EIF4G1: variants seen among roughly 807,000 people sequenced by gnomAD.
EIF4G1 encodes EIF4-gamma.
In EIF4G1, 4 loss-of-function variants were observed where a neutral mutation model predicts 187.8. The ratio of observed to expected loss-of-function variants is 0.02; its 90% CI spans 0.01 to 0.05. EIF4G1 has a LOEUF of 0.05. Among genes scored for constraint, EIF4G1 ranks in the 10% least tolerant of loss-of-function variants. The pLI, the probability that EIF4G1 is intolerant of heterozygous loss-of-function variation, is 1.00. For missense variants in EIF4G1, 1,647 were observed against 2,081.1 expected (o/e 0.79, Z 4.06); for synonymous variants, 844 against 781.4 (o/e 1.08, Z -1.34).
At position 184,327,240 on chromosome 3, in the gene EIF4G1, C is replaced by G. The variant is rs368604820; in HGVS notation, c.3453C>G (p.Gly1151=). Residue 1151 remains glycine (G), a synonymous_variant, in exon 24 of 33, where the codon GGC becomes GGG. Transcript: ENST00000346169. ...GGAGTAGCTTGAGCCGAGAACGAGG[C>G]GAGAAAGCTGGAGACCGAGGAGACC... is the stretch of plus-strand genomic sequence containing the variant. The part of the protein sequence containing the change: ...VQRSSLSRER[G]EKAGDRGDRL... 1.6e-5 allele frequency: 26 copies of G among 1,612,768 alleles called. No homozygotes were observed. The African/African-American group carries it at 3.3e-4, about 21-fold the overall frequency.
chr3:184,332,129 G>A, intron 32 of EIF4G1, 43 bp downstream of exon 32: 1 of 1,613,916 alleles, frequency 6.2e-7, no homozygotes, highest in Non-Finnish European at 8.5e-7. Context: ...TGGAGGGACT[G>A]CCAGATAGCA....
chr3:184,321,076 T>G, intron 9 of EIF4G1, 83 bp downstream of exon 9: 2 of 1,547,756 alleles, frequency 1.3e-6, no homozygotes, highest in Non-Finnish European at 8.8e-7. Flanking sequence ...TGACTTGAAC[T>G]GGGTACCAGA....
chr3:184,318,995 AC>A (rs1243845634), intron 6 of EIF4G1, among the ~76,000 whole-genome samples: 1 of 150,954 alleles, frequency 6.6e-6, no homozygotes, highest in East Asian at 2.0e-4. Flanking sequence ...GATCGCTTGA[AC>A]CCGGGATGTG....
chr3:184,328,972 C>T lies in EIF4G1; in HGVS notation c.4143C>T (p.Gly1381=). ...CTTCCCTGTTGCTGGAGATCCTGGG[C>T]CTCCTGTGCAAAAGCATGGTGAGTG... ...KAASLLLEIL[G]LLCKSMGPKK... Residue 1381 remains glycine (G), a synonymous_variant, in exon 28 of 33, where the codon GGC becomes GGT. Coordinates refer to ENST00000346169, the MANE Select transcript of EIF4G1 (RefSeq NM_198241.3). 6.2e-7 allele frequency: 1 copy of T among 1,614,148 alleles called. No homozygotes were observed.
rs1442345776 is a variant in EIF4G1 at position 184,323,182 on chromosome 3, A to G, written c.2029A>G (p.Thr677Ala). 4 of 1,614,046 alleles carry G rather than the reference A, an allele frequency of 2.5e-6. No homozygotes were observed. The South Asian group carries it at 4.4e-5, about 18-fold the overall frequency. ...ATCCTTTGCCAACCTTGGCCGGACA[A>G]CCCTTAGCACCCGTGGGCCCCCAAG... ...TPSFANLGRT[T>A]LSTRGPPRGG... The change falls in exon 14 of 33, where the codon ACC (threonine) becomes GCC (alanine). Residue 677 changes from threonine (T) to alanine (A), a missense_variant. Thr to Ala is a moderately conservative substitution (Grantham distance 58). Around this residue, in one of 11 missense-constraint regions of EIF4G1, gnomAD observed 140 missense variants for 222.2 expected, o/e 0.63. Coordinates refer to ENST00000346169, the MANE Select transcript of EIF4G1 (RefSeq NM_198241.3). This position sits in a 1 kb window ranked among gnomAD's most constrained non-coding sequence, Gnocchi z 6.9.
At chr3:184,328,242 C>G (rs1577240779) in intron 26 of EIF4G1, 1 of 534,580 alleles carries the variant, frequency 1.9e-6, no homozygotes, top group South Asian at 2.0e-5. Context: ...ACTAATAATA[C>G]AAAAATTAGC....
intron 6 of EIF4G1, 27 bp from the exon 7 acceptor site, chr3:184,319,662 A>G (rs758708871): frequency 3.5e-6 from 5 of 1,423,752 alleles, no homozygotes; most frequent in Non-Finnish European, 4.9e-6. Flanking sequence ...CGCTACCACC[A>G]TTCTTCTCCG....
At chr3:184,328,164 T>A (rs1239799855) in intron 26 of EIF4G1, 162 bp downstream of exon 26, 1 of 771,440 alleles carries the variant, frequency 1.3e-6, no homozygotes, top group Admixed American at 2.0e-5. Flanking sequence ...TGGGTTGGAT[T>A]CCTTAGAGGA....
intron 23 of EIF4G1, 36 bp downstream of exon 23, chr3:184,327,019 G>C (rs534639765): frequency 8.7e-6 from 14 of 1,612,724 alleles, no homozygotes; most frequent in Middle Eastern, 1.7e-4. Context: ...ATTCACACTG[G>C]GGGTACCGTG....
intron 7 of EIF4G1, 51 bp downstream of exon 7, chr3:184,319,852 T>C: frequency 7.7e-7 from 1 of 1,303,658 alleles, no homozygotes; most frequent in Non-Finnish European, 1.1e-6. Context: ...AGAATCAAGG[T>C]CAGGTGCTGC....
At position 184,325,536 on chromosome 3, in the gene EIF4G1, T is replaced by C; in HGVS notation, c.3018T>C (p.His1006=). ...DQGPKTIDQI[H]KEAEMEEHRE... is the part of the protein sequence containing the mutation. The stretch of plus-strand genomic sequence containing the variant: ...GTCCCAAGACCATTGACCAGATCCA[T>C]AAGGAGGCTGAGATGGAAGAACATC... Residue 1006 remains histidine, a synonymous_variant, in exon 20 of 33, where the codon CAT becomes CAC. Transcript: ENST00000346169. This position sits in a 1 kb window ranked among gnomAD's most constrained non-coding sequence, Gnocchi z 5.2. 6.2e-7 allele frequency: 1 copy of C among 1,614,076 alleles called. No individual in the cohort carries two copies. Among genetic ancestry groups the C allele is most frequent in the South Asian group, 1.1e-5 (1 of 91,084 alleles).
In EIF4G1 at chr3:184,325,636, A is replaced by G. The variant is rs1690386377; in HGVS notation, c.3118A>G (p.Ile1040Val). 6.2e-7 allele frequency: 1 copy of G among 1,614,172 alleles called. No individual in the cohort carries two copies. The highest frequency in any genetic ancestry group is 8.5e-7 in the Non-Finnish European group (1 of 1,180,022). ...TCGGGGCGGTCCTCCAGGCCCTCCC[A>G]TCAGTGAGTTCCAAGCTGGGATTGA... ...KRRGGPPGPP[I>V]SRGLPLVDDG... The change falls in exon 20 of 33, where the codon ATC (isoleucine) becomes GTC (valine). Residue 1040 changes from isoleucine to valine, a missense_variant. Physicochemically the swap from Ile to Val is conservative, Grantham distance 29 (BLOSUM62 3). Coordinates refer to ENST00000346169, the MANE Select transcript of EIF4G1 (RefSeq NM_198241.3). The surrounding 1 kb of genome is among the most constrained non-coding windows in gnomAD (Gnocchi z 5.2).
intron 24 of EIF4G1, 58 bp from the exon 25 acceptor site, chr3:184,327,528 A>G (rs2108505631): frequency 6.2e-7 from 1 of 1,612,936 alleles, no homozygotes; most frequent in Non-Finnish European, 8.5e-7. Context: ...TGAGAGCTCC[A>G]AATCTTGTTT....
intron 7 of EIF4G1, 27 bp from the exon 8 acceptor site, chr3:184,320,602 CA>C: frequency 6.2e-7 from 1 of 1,614,040 alleles, no homozygotes; most frequent in Non-Finnish European, 8.5e-7. Context: ...TCCTGCTTCC[CA>C]CTCATCTTAT....
Position 184,328,032 on chromosome 3 carries a change from T to TA in EIF4G1, c.3953+31dup, listed in dbSNP as rs772185549. ...GACCAGCTTCTCTGGGCCTCCCACT[T>TA]ATACAGACCCACAATTTTCTATCTC... On this transcript the variant is annotated intron_variant, in intron 26 of 32. Transcript: ENST00000346169. 30 of 1,598,560 alleles carry TA rather than the reference T, an allele frequency of 1.9e-5. No homozygotes were observed. In the African/African-American group the frequency reaches 3.1e-4, roughly 16 times the overall value.
At chr3:184,316,590 C>G in intron 4 of EIF4G1, 1 of 963,358 alleles carries the variant, frequency 1.0e-6, no homozygotes, top group Non-Finnish European at 1.6e-6. Flanking sequence ...TTGCCTTTCT[C>G]TGTTCCCCAG....
intron 32 of EIF4G1, among the ~76,000 whole-genome samples, 192 bp downstream of exon 32, chr3:184,332,278 G>C (rs1387351428): frequency 6.6e-6 from 1 of 152,272 alleles, no homozygotes; most frequent in Non-Finnish European, 1.5e-5. Flanking sequence ...GTTAGACACA[G>C]CCTTGAAGGG....
chr3:184,317,795 C>T lies in EIF4G1; in HGVS notation c.403C>T (p.Pro135Ser), dbSNP rs1433608051. 6.2e-7 allele frequency: 1 copy of T among 1,614,028 alleles called. No homozygotes were observed. The highest frequency in any genetic ancestry group is 2.2e-5 in the East Asian group (1 of 44,876). ...CCCAGGCTTCTATCCAGGTGCAAGC[C>T]CTACAGAATTTGGGACCTACGGTAA... ...GAPGFYPGAS[P>S]TEFGTYAGAY... Residue 135 changes from proline (P) to serine (S), a missense_variant, in exon 6 of 33, where the codon CCT (proline) becomes TCT (serine). Pro to Ser is a moderately conservative substitution (Grantham distance 74). Around this residue, in one of 11 missense-constraint regions of EIF4G1, gnomAD observed 139 missense variants for 187.3 expected, o/e 0.74. Coordinates refer to ENST00000346169, the MANE Select transcript of EIF4G1 (RefSeq NM_198241.3).
intron 17 of EIF4G1, 27 bp downstream of exon 17, chr3:184,324,374 A>G: frequency 6.2e-7 from 1 of 1,613,992 alleles, no homozygotes; most frequent in Non-Finnish European, 8.5e-7. Context: ...TATCGATTCC[A>G]CTCACCACTT....
Sources: allele counts gnomAD v4.1 joint callset (sites outside exome capture counted in the v4.1 genomes callset), GRCh38; gene constraint gnomAD v4.1.1; regional missense constraint gnomAD v4.1.1; non-coding constraint Gnocchi (gnomAD v3.1); transcripts MANE v1.5; gene names NCBI Gene and HGNC (gene_info 2026-07-23, HGNC 2026-07-21).